TEAD1: variants seen among roughly 807,000 people sequenced by gnomAD.
The protein encoded by TEAD1 is transcriptional enhancer factor TEF-1.
TEAD1 carries 9 observed loss-of-function variants against 54.9 expected under a neutral mutation model. The observed-to-expected ratio is 0.16, with a 90% confidence interval of 0.10 to 0.29. The LOEUF (loss-of-function observed/expected upper bound fraction) is 0.29, where lower values mean the gene tolerates loss of function less well. Among genes scored for constraint, TEAD1 ranks in the 10% least tolerant of loss-of-function variants. The pLI, the probability that TEAD1 is intolerant of heterozygous loss-of-function variation, is 1.00. For missense variants in TEAD1, 387 were observed against 535.9 expected (o/e 0.72, Z 2.74); for synonymous variants, 200 against 187.8 (o/e 1.07, Z -0.53).
At chr11:12,764,574 G>C in intron 3 of TEAD1, 140 bp downstream of exon 3, 1 of 1,001,908 alleles carries the variant, frequency 1.0e-6, no homozygotes, top group Non-Finnish European at 1.5e-6. Flanking sequence ...GTCATCCAAA[G>C]GACTCACCCT....
chr11:12,742,577 A>G (rs1944668897), intron 2 of TEAD1, among the ~76,000 whole-genome samples: 1 of 152,192 alleles, frequency 6.6e-6, no homozygotes, highest in Non-Finnish European at 1.5e-5. Context: ...GAAGAATTTA[A>G]ATGTTCTTAT....
Position 12,851,190 on chromosome 11 carries a change from A to G in TEAD1, c.203-11060A>G, listed in dbSNP as rs150135458. 11 of 697,732 alleles carry G rather than the reference A, an allele frequency of 1.6e-5. No homozygotes were observed. The African/African-American group carries it at 1.7e-4, about 11-fold the overall frequency. The allele number at this position is 697,732 out of a possible 1,614,324, so 43.2% of individuals were successfully genotyped here. On this transcript the variant is annotated intron_variant, in intron 3 of 12. Coordinates refer to ENST00000527636, the MANE Select transcript of TEAD1 (RefSeq NM_021961.6). ...ACGTGGAATCTTAAAAAAAAGTCAT[A>G]CATATACAGAGTAGAGAAAAAACAA...
chr11:12,911,561 A>G (rs1029322223), intron 10 of TEAD1, among the ~76,000 whole-genome samples: 2 of 152,192 alleles, frequency 1.3e-5, no homozygotes, highest in Non-Finnish European at 2.9e-5. Context: ...TAACTGAACA[A>G]TATTAAGTGA....
At chr11:12,865,143 TAAC>T (rs1947591932) in intron 5 of TEAD1, 1 of 557,684 alleles carries the variant, frequency 1.8e-6, no homozygotes, top group Non-Finnish European at 3.3e-6. Context: ...GTGTTCCTAA[TAAC>T]AATGCAAATG....
chr11:12,805,772 G>GAA (rs1284706808), intron 3 of TEAD1, among the ~76,000 whole-genome samples: 3 of 152,242 alleles, frequency 2.0e-5, no homozygotes, highest in African/African-American at 7.2e-5. Context: ...GAAACTAGCT[G>GAA]AAGCATTGAT....
intron 2 of TEAD1, among the ~76,000 whole-genome samples, chr11:12,681,151 C>T (rs978196264): frequency 6.6e-6 from 1 of 152,092 alleles, no homozygotes; most frequent in African/African-American, 2.4e-5. Context: ...TCTTGAAATC[C>T]TGGGCACTTA....
intron 9 of TEAD1, among the ~76,000 whole-genome samples, chr11:12,889,922 A>C (rs978655040): frequency 2.0e-5 from 3 of 151,946 alleles, no homozygotes; most frequent in Non-Finnish European, 4.4e-5. Flanking sequence ...GGGTTTTACT[A>C]TGTTGCCCAA....
chr11:12,924,236 TG>T lies in TEAD1; in HGVS notation c.874-674del, dbSNP rs566413448. ...ATCATTCCTCAACTGAGACCACCTG[TG>T]GAAAGTCATACCTTCCATTGCTGCA... On this transcript the variant is annotated intron_variant, in intron 10 of 12. Transcript: ENST00000527636. Among the ~76,000 whole-genome samples the T allele has an allele frequency of 1.9e-3, 282 of 152,112 alleles. 1 individual carries two copies. The highest frequency in any genetic ancestry group is 6.3e-3 in the African/African-American group (259 of 41,378).
chr11:12,830,768 G>A (rs200813200), intron 3 of TEAD1, among the ~76,000 whole-genome samples: 60 of 135,194 alleles, frequency 4.4e-4, no homozygotes, highest in Middle Eastern at 3.7e-3. Flanking sequence ...GCACGCACAC[G>A]CACATGCACA....
At chr11:12,676,617 T>C (rs1473205648) in intron 2 of TEAD1, among the ~76,000 whole-genome samples, 1 of 152,212 alleles carries the variant, frequency 6.6e-6, no homozygotes, top group Non-Finnish European at 1.5e-5. Context: ...TAGAAGGAAA[T>C]AGTAGAACTA....
At position 12,939,751 on chromosome 11, in the gene TEAD1, CTT is replaced by C; in HGVS notation, c.*2530_*2531del. On this transcript the variant is annotated 3_prime_UTR_variant, in exon 13 of 13. Transcript: ENST00000527636. ...TCTAAGGATTTTTAAAAGTTTACTT[CTT>C]GTCTTGTTCTTCTAAAGCTTTCTCC... The C allele has an allele frequency of 6.6e-6, 1 of 152,374 alleles. No individual in the cohort carries two copies. The highest frequency in any genetic ancestry group is 1.9e-4 in the East Asian group (1 of 5,190). The allele number at this position is 152,374 out of a possible 1,614,324, so 9.4% of individuals were successfully genotyped here.
intron 3 of TEAD1, among the ~76,000 whole-genome samples, chr11:12,855,176 C>T (rs1947352723): frequency 6.6e-6 from 1 of 152,206 alleles, no homozygotes; most frequent in Non-Finnish European, 1.5e-5. Context: ...ATAAAACACC[C>T]CCATTCTGTA....
intron 5 of TEAD1, among the ~76,000 whole-genome samples, chr11:12,875,168 G>C (rs1485015297): frequency 1.3e-5 from 2 of 152,148 alleles, no homozygotes; most frequent in Non-Finnish European, 2.9e-5. Context: ...AAATTAGTGT[G>C]GTGTACAAAT....
chr11:12,780,339 G>A (rs1945516796), intron 3 of TEAD1, among the ~76,000 whole-genome samples: 1 of 151,592 alleles, frequency 6.6e-6, no homozygotes, highest in Non-Finnish European at 1.5e-5. Context: ...CGCCTCCCAG[G>A]TTCAAGCGAT....
intron 9 of TEAD1, among the ~76,000 whole-genome samples, chr11:12,888,165 A>G (rs1216215160): frequency 6.6e-6 from 1 of 152,204 alleles, no homozygotes; most frequent in Non-Finnish European, 1.5e-5. Context: ...GCCTTACAGT[A>G]GCCAGCTTTG....
intron 2 of TEAD1, among the ~76,000 whole-genome samples, chr11:12,750,752 A>G (rs1442698163): frequency 6.6e-6 from 1 of 151,914 alleles, no homozygotes; most frequent in African/African-American, 2.4e-5. Context: ...TCTTCCCCAC[A>G]TCTCCTCCAC....
At chr11:12,856,365 A>G (rs1027707994) in intron 3 of TEAD1, among the ~76,000 whole-genome samples, 9 of 152,160 alleles carry the variant, frequency 5.9e-5, no homozygotes, top group African/African-American at 2.2e-4. Context: ...AAAAAATACA[A>G]GTTACCAGCA....
chr11:12,851,503 T>A (rs916362595), intron 3 of TEAD1, among the ~76,000 whole-genome samples: 8 of 152,076 alleles, frequency 5.3e-5, no homozygotes, highest in African/African-American at 1.7e-4. Flanking sequence ...ATTTATTTTT[T>A]AAAAAAATGG....
At chr11:12,928,899 GTT>G (rs1564994199) in intron 11 of TEAD1, among the ~76,000 whole-genome samples, 3 of 152,154 alleles carry the variant, frequency 2.0e-5, no homozygotes. Flanking sequence ...TCTCTTAGCA[GTT>G]TTCGAGGATA....
Sources: allele counts gnomAD v4.1 joint callset (sites outside exome capture counted in the v4.1 genomes callset), GRCh38; gene constraint gnomAD v4.1.1; transcripts MANE v1.5; gene names NCBI Gene and HGNC (gene_info 2026-07-23, HGNC 2026-07-21).